The following MANEA variants were observed in gnomAD, a reference collection of about 807,000 sequenced individuals.
The protein encoded by MANEA is glycoprotein endo-alpha-1,2-mannosidase.
A neutral mutation model predicts 36.8 loss-of-function variants in MANEA; 25 were observed. That is an observed-to-expected ratio of 0.68 (90% CI 0.50 to 0.95). The LOEUF is 0.95. Ranked by LOEUF, MANEA falls within the 40% of genes least tolerant of loss-of-function variation. MANEA has a pLI of 0.00. For missense variants in MANEA, 565 were observed against 558.8 expected (o/e 1.01, Z -0.11); for synonymous variants, 198 against 188.5 (o/e 1.05, Z -0.41).
In MANEA at chr6:95,604,889, G is replaced by A; in HGVS notation, c.717G>A (p.Lys239=). The A allele has an allele frequency of 2.1e-6, 3 of 1,398,138 alleles. No individual in the cohort carries two copies. Among genetic ancestry groups the A allele is most frequent in the Non-Finnish European group, 2.0e-6 (2 of 1,024,984 alleles). 86.6% of individuals were successfully genotyped at this position (1,398,138 alleles called of 1,614,324 possible). A position where few individuals can be genotyped will look rare whatever the true frequency, so the allele number is the denominator to read the frequency against. The change falls in exon 4 of 5, where the codon AAG becomes AAA. Residue 239 remains lysine (K), a synonymous_variant. Coordinates refer to ENST00000358812, the MANE Select transcript of MANEA (RefSeq NM_024641.4). Reference sequence around the variant, plus strand: ...ATCAAAACATGTACAAAAATGTCAAGTATATTATAGACAAGTGAGTTTCTT... The same window carrying A: ...ATCAAAACATGTACAAAAATGTCAAATATATTATAGACAAGTGAGTTTCTT... The part of the protein sequence containing the change: ...RDDQNMYKNV[K]YIIDKYGNHP...
chr6:95,587,251 T>G, intron 2 of MANEA: 1 of 392,134 alleles, frequency 2.6e-6, no homozygotes, highest in Non-Finnish European at 4.7e-6. Flanking sequence ...TCAATTTTAT[T>G]AAATTATGAT....
intron 3 of MANEA, among the ~76,000 whole-genome samples, chr6:95,604,205 T>A (rs1769660486): frequency 6.6e-6 from 1 of 151,760 alleles, no homozygotes; most frequent in Non-Finnish European, 1.5e-5. Context: ...TAGAAGTTAA[T>A]GTATATTATT....
intron 1 of MANEA, among the ~76,000 whole-genome samples, chr6:95,579,038 A>C (rs1582216367): frequency 6.6e-6 from 1 of 152,272 alleles, no homozygotes; most frequent in Middle Eastern, 3.4e-3. Context: ...TGAAAAAGTT[A>C]CCAACTGCTC....
At chr6:95,602,020 C>T (rs2127944840) in intron 3 of MANEA, among the ~76,000 whole-genome samples, 2 of 152,050 alleles carry the variant, frequency 1.3e-5, no homozygotes. Flanking sequence ...ACATTTGAAA[C>T]ATGTTATATT....
chr6:95,581,297 C>T (rs1330049265), intron 1 of MANEA, among the ~76,000 whole-genome samples: 1 of 151,998 alleles, frequency 6.6e-6, no homozygotes, highest in Non-Finnish European at 1.5e-5. Flanking sequence ...GCTTGTGTGT[C>T]ATCTATAATG....
intron 1 of MANEA, among the ~76,000 whole-genome samples, 183 bp from the exon 2 acceptor site, chr6:95,586,219 T>C (rs1769278130): frequency 6.6e-6 from 1 of 152,250 alleles, no homozygotes; most frequent in Admixed American, 6.5e-5. Flanking sequence ...TAGACCCTTA[T>C]TGTACACATT....
chr6:95,601,744 T>TTG (rs1769597641), intron 3 of MANEA, among the ~76,000 whole-genome samples: 2 of 104,732 alleles, frequency 1.9e-5, no homozygotes, highest in African/African-American at 6.9e-5. Context: ...TTTTTTTTTT[T>TTG]GCTTAGGATT....
rs1365094327 is a variant in MANEA at position 95,608,113 on chromosome 6, A to G, written c.*1708A>G. On this transcript the variant is annotated 3_prime_UTR_variant, in exon 5 of 5. Transcript: ENST00000358812. ...GGGGAAAATAAAAGAATAAATCACT[A>G]TACTGATATTTTGATACAAGCAAGC... The G allele has an allele frequency of 1.3e-5, 2 of 151,896 alleles. No homozygotes were observed. The highest frequency in any genetic ancestry group is 3.8e-4 in the East Asian group (2 of 5,200). 9.4% of individuals were successfully genotyped at this position (151,896 alleles called of 1,614,324 possible).
intron 1 of MANEA, among the ~76,000 whole-genome samples, chr6:95,579,820 A>C (rs987145986): frequency 6.6e-6 from 1 of 152,212 alleles, no homozygotes; most frequent in African/African-American, 2.4e-5. Flanking sequence ...AACTCAAAAA[A>C]TAGAAGCTAC....
intron 4 of MANEA, among the ~76,000 whole-genome samples, chr6:95,605,164 T>C (rs974169344): frequency 3.9e-5 from 6 of 152,230 alleles, no homozygotes; most frequent in South Asian, 2.1e-4. Context: ...TCTGTAGTTT[T>C]GATATTTTAA....
chr6:95,603,664 A>C (rs1303295610), intron 3 of MANEA, among the ~76,000 whole-genome samples: 1 of 152,084 alleles, frequency 6.6e-6, no homozygotes, highest in Non-Finnish European at 1.5e-5. Context: ...TCATATTGCA[A>C]TAGAAGTCTC....
intron 1 of MANEA, among the ~76,000 whole-genome samples, chr6:95,585,783 GTT>G (rs1769268536): frequency 6.6e-6 from 1 of 151,956 alleles, no homozygotes; most frequent in African/African-American, 2.4e-5. Context: ...TAGAAAATCT[GTT>G]TAATGACTGG....
rs1309660351 is a variant in MANEA at position 95,609,452 on chromosome 6, A to G, written c.*3047A>G. 1 of 151,750 alleles carries G rather than the reference A, an allele frequency of 6.6e-6. No homozygotes were observed. The highest frequency in any genetic ancestry group is 1.5e-5 in the Non-Finnish European group (1 of 67,690). The allele number at this position is 151,750 out of a possible 1,614,324, so 9.4% of individuals were successfully genotyped here. On this transcript the variant is annotated 3_prime_UTR_variant, in exon 5 of 5. Transcript: ENST00000358812. ...TAAAAACATAGATGAAATACATTGT[A>G]TTTTAGATATTAAAGTCTATCATTT...
chr6:95,591,399 T>G (rs1582223909), intron 2 of MANEA, among the ~76,000 whole-genome samples: 1 of 152,114 alleles, frequency 6.6e-6, no homozygotes, highest in East Asian at 1.9e-4. Context: ...TCCATTTCTT[T>G]TTTTCTTCTT....
At chr6:95,586,285 G>A in intron 1 of MANEA, 117 bp from the exon 2 acceptor site, 1 of 618,344 alleles carries the variant, frequency 1.6e-6, no homozygotes, top group Non-Finnish European at 2.8e-6. Flanking sequence ...AATATGTGAT[G>A]AAATCAGTAT....
At chr6:95,604,732 G>T in intron 3 of MANEA, 95 bp from the exon 4 acceptor site, 1 of 522,982 alleles carries the variant, frequency 1.9e-6, no homozygotes, top group South Asian at 3.3e-5. Context: ...TAATTAAGGT[G>T]ATTAAATCAG....
intron 1 of MANEA, among the ~76,000 whole-genome samples, 175 bp downstream of exon 1, chr6:95,577,813 C>T (rs999441432): frequency 6.6e-6 from 1 of 152,228 alleles, no homozygotes; most frequent in East Asian, 1.9e-4. Flanking sequence ...CGCCCAGCGG[C>T]GAGCCTGTAG....
At position 95,603,052 on chromosome 6, in the gene MANEA, A is replaced by AAC. The variant is rs539732085; in HGVS notation, c.655-1775_655-1774insAC. On this transcript the variant is annotated intron_variant, in intron 3 of 4. Transcript: ENST00000358812. ...AAAAAAAAAAAAAAAAAAAAAAAAAATTGCAAAGTAATTTTATTATAATTA... is the reference window on the plus strand; with the variant it reads ...AAAAAAAAAAAAAAAAAAAAAAAAAAACTTGCAAAGTAATTTTATTATAATTA... Among the ~76,000 whole-genome samples the AAC allele has an allele frequency of 7.5e-4, 105 of 139,404 alleles. 1 individual carries two copies. Among genetic ancestry groups the AAC allele is most frequent in the Admixed American group, 4.8e-3 (65 of 13,560 alleles). The allele number at this position is 139,404 out of a possible 152,430, so 91.5% of individuals were successfully genotyped here. A position where few individuals can be genotyped will look rare whatever the true frequency, so the allele number is the denominator to read the frequency against.
chr6:95,604,375 T>G (rs1039974011), intron 3 of MANEA, among the ~76,000 whole-genome samples: 2 of 151,942 alleles, frequency 1.3e-5, no homozygotes, highest in Non-Finnish European at 2.9e-5. Context: ...AACATATATC[T>G]GAATATAGAG....
Sources: allele counts gnomAD v4.1 joint callset (sites outside exome capture counted in the v4.1 genomes callset), GRCh38; gene constraint gnomAD v4.1.1; transcripts MANE v1.5; gene names NCBI Gene and HGNC (gene_info 2026-07-23, HGNC 2026-07-21).